The following ATF7IP variants were observed in gnomAD, a reference collection of about 807,000 sequenced individuals.
ATF7IP encodes activating transcription factor 7 interacting protein, also known as activating transcription factor 7-interacting protein 1.
A neutral mutation model predicts 106.4 loss-of-function variants in ATF7IP; 23 were observed. The ratio of observed to expected loss-of-function variants is 0.22; its 90% CI spans 0.16 to 0.31. The LOEUF is 0.31. ATF7IP is among the 10% of genes least tolerant of loss of function. ATF7IP has a pLI of 1.00. For missense variants in ATF7IP, 1,334 were observed against 1,524.3 expected (o/e 0.88, Z 2.08); for synonymous variants, 542 against 539.0 (o/e 1.01, Z -0.08).
At chr12:14,416,125 T>G (rs1265801729) in intron 1 of ATF7IP, among the ~76,000 whole-genome samples, 1 of 152,208 alleles carries the variant, frequency 6.6e-6, no homozygotes. Flanking sequence ...TTTATGATTT[T>G]ATTTTTAGAG....
chr12:14,379,343 C>G (rs1405272640), intron 1 of ATF7IP, among the ~76,000 whole-genome samples: 1 of 152,202 alleles, frequency 6.6e-6, no homozygotes, highest in Admixed American at 6.5e-5. Flanking sequence ...AGCAGATACA[C>G]TGTACTTCCT....
At chr12:14,385,304 T>G (rs1489843605) in intron 1 of ATF7IP, 1 of 1,240,492 alleles carries the variant, frequency 8.1e-7, no homozygotes, top group Admixed American at 2.3e-5. Flanking sequence ...ACTGAGACTG[T>G]GCAGCTGTCT....
intron 6 of ATF7IP, among the ~76,000 whole-genome samples, chr12:14,450,728 G>A (rs753785262): frequency 2.6e-5 from 4 of 151,976 alleles, no homozygotes; most frequent in Non-Finnish European, 5.9e-5. Context: ...CAATTGTTTG[G>A]TAGTATCCTC....
At chr12:14,458,060 C>T (rs879098781) in intron 8 of ATF7IP, among the ~76,000 whole-genome samples, 6 of 151,664 alleles carry the variant, frequency 4.0e-5, no homozygotes, top group Non-Finnish European at 7.4e-5. Flanking sequence ...CACGCCACTG[C>T]ACCCCAGCCT....
chr12:14,459,789 A>G (rs1165575187), intron 8 of ATF7IP, among the ~76,000 whole-genome samples: 1 of 152,224 alleles, frequency 6.6e-6, no homozygotes, highest in Non-Finnish European at 1.5e-5. Context: ...ATGAGAATAA[A>G]CACAAGTAGT....
chr12:14,459,109 A>G (rs1032019430), intron 8 of ATF7IP, among the ~76,000 whole-genome samples: 1 of 152,140 alleles, frequency 6.6e-6, no homozygotes, highest in Admixed American at 6.5e-5. Flanking sequence ...ATTGCTGATA[A>G]ATACAGTTGG....
At chr12:14,448,901 G>C (rs150831491) in intron 6 of ATF7IP, among the ~76,000 whole-genome samples, 23 of 152,218 alleles carry the variant, frequency 1.5e-4, no homozygotes, top group African/African-American at 5.3e-4. Context: ...CTAATGACTA[G>C]TGATGTTGAG....
At chr12:14,416,979 T>G (rs1040528991) in intron 1 of ATF7IP, 7 of 982,440 alleles carry the variant, frequency 7.1e-6, no homozygotes, top group Non-Finnish European at 8.5e-6. Context: ...GGTTCATCTG[T>G]AAGGAAGGGG....
Position 14,481,199 on chromosome 12 carries a change from C to G in ATF7IP, c.3280+14C>G, listed in dbSNP as rs778269974. 6.8e-6 allele frequency: 11 copies of G among 1,612,610 alleles called. 1 individual carries two copies. Among genetic ancestry groups the G allele is most frequent in the South Asian group, 3.3e-5 (3 of 91,070 alleles). ...ATCCCCAAAATAGTAAGAGATTTTT[C>G]TTGTATATGGCCCCAAGATACATGT... On this transcript the variant is annotated intron_variant, in intron 13 of 14. Coordinates refer to ENST00000261168, the MANE Select transcript of ATF7IP (RefSeq NM_018179.5).
chr12:14,424,418 A>G lies in ATF7IP; in HGVS notation c.503A>G (p.Asp168Gly). 2 of 1,613,678 alleles carry G rather than the reference A, an allele frequency of 1.2e-6. No homozygotes were observed. Among genetic ancestry groups the G allele is most frequent in the Non-Finnish European group, 8.5e-7 (1 of 1,179,822 alleles). ...ACCTCTAGCGAGCCCTCCTCTAGTG[A>G]TGCTGCCTCTGGTGATGCAACCTCT... is the stretch of plus-strand genomic sequence containing the variant. The part of the protein sequence containing the change: ...DPTSSEPSSS[D>G]AASGDATSGD... The change falls in exon 2 of 15, where the codon GAT becomes GGT. Residue 168 changes from aspartate to glycine, a missense_variant. By Grantham distance (94) the Asp-to-Gly change is moderately conservative. Coordinates refer to ENST00000261168, the MANE Select transcript of ATF7IP (RefSeq NM_018179.5).
At chr12:14,483,696 A>G (rs1376435981) in intron 13 of ATF7IP, among the ~76,000 whole-genome samples, 1 of 152,036 alleles carries the variant, frequency 6.6e-6, no homozygotes, top group East Asian at 1.9e-4. Context: ...TATATAATGG[A>G]TGCTGATTCA....
rs1329402364 is a variant in ATF7IP at position 14,434,269 on chromosome 12, A to C, written c.1559-68A>C. The C allele has an allele frequency of 5.1e-6, 5 of 985,596 alleles. No homozygotes were observed. In the East Asian group the frequency reaches 1.3e-4, roughly 26 times the overall value. The allele number at this position is 985,596 out of a possible 1,614,324, so 61.1% of individuals were successfully genotyped here. On this transcript the variant is annotated intron_variant, in intron 2 of 14. Transcript: ENST00000261168. ...GTTTTGTAACTGGATAGTGACTAAA[A>C]ATGTAAATTAGTGAGCTGTTATGAA...
At chr12:14,371,816 A>G (rs1938541689) in intron 1 of ATF7IP, among the ~76,000 whole-genome samples, 1 of 152,124 alleles carries the variant, frequency 6.6e-6, no homozygotes, top group Non-Finnish European at 1.5e-5. Flanking sequence ...GATTTCTATT[A>G]TAATTTTTTC....
intron 1 of ATF7IP, among the ~76,000 whole-genome samples, chr12:14,410,759 G>A (rs1234378430): frequency 6.6e-6 from 1 of 151,926 alleles, no homozygotes; most frequent in African/African-American, 2.4e-5. Flanking sequence ...ATGTATGTAT[G>A]TATGTATAGG....
At chr12:14,428,909 GTAT>G (rs1941995700) in intron 2 of ATF7IP, among the ~76,000 whole-genome samples, 1 of 152,086 alleles carries the variant, frequency 6.6e-6, no homozygotes, top group South Asian at 2.1e-4. Flanking sequence ...TTGTGACATA[GTAT>G]TATGTTATAA....
rs775758127 is a variant in ATF7IP at position 14,387,117 on chromosome 12, A to G, written c.-8+21290A>G. On this transcript the variant is annotated intron_variant, in intron 1 of 14. Transcript: ENST00000261168. ...GTTTCACTTTAGTCACTACATTGTA[A>G]AATCTTTAGGACTGTCTTATATGAC... 2.2e-4 allele frequency among the ~76,000 whole-genome samples: 33 copies of G among 152,284 alleles called. No individual in the cohort carries two copies. The Middle Eastern group carries it at 0.01, about 47-fold the overall frequency.
At chr12:14,368,966 T>C (rs1255363072) in intron 1 of ATF7IP, among the ~76,000 whole-genome samples, 2 of 152,060 alleles carry the variant, frequency 1.3e-5, no homozygotes, top group East Asian at 1.9e-4. Context: ...CTTTTTTTTT[T>C]TGAGATAGGA....
rs2136892037 is a variant in ATF7IP at position 14,500,590 on chromosome 12, T to G, written c.*2517T>G. On this transcript the variant is annotated 3_prime_UTR_variant, in exon 15 of 15. Coordinates refer to ENST00000261168, the MANE Select transcript of ATF7IP (RefSeq NM_018179.5). ...TTGCAATGTTGATATGTGTTCAAGATTATTCCTGTCTACAAAACTGAAGGC... is the reference window on the plus strand; with the variant it reads ...TTGCAATGTTGATATGTGTTCAAGAGTATTCCTGTCTACAAAACTGAAGGC... 6.6e-6 allele frequency: 1 copy of G among 152,364 alleles called. No individual in the cohort carries two copies. The highest frequency in any genetic ancestry group is 2.1e-4 in the South Asian group (1 of 4,834). 9.4% of individuals were successfully genotyped at this position (152,364 alleles called of 1,614,324 possible).
rs1015362690 is a variant in ATF7IP at position 14,494,881 on chromosome 12, C to T, written c.3281-1350C>T. Among the ~76,000 whole-genome samples the T allele has an allele frequency of 3.4e-5, 5 of 146,858 alleles. No homozygotes were observed. The East Asian group carries it at 6.0e-4, about 18-fold the overall frequency. On this transcript the variant is annotated intron_variant, in intron 13 of 14. Coordinates refer to ENST00000261168, the MANE Select transcript of ATF7IP (RefSeq NM_018179.5). ...CCAGGAGGCGGAGGTTGCAGTGAGC[C>T]GAGATCATGCCACTGCACTCCAGCC...
Sources: allele counts gnomAD v4.1 joint callset (sites outside exome capture counted in the v4.1 genomes callset), GRCh38; gene constraint gnomAD v4.1.1; transcripts MANE v1.5; gene names NCBI Gene and HGNC (gene_info 2026-07-23, HGNC 2026-07-21).